GLRA1: variants seen among roughly 807,000 people sequenced by gnomAD.
GLRA1 encodes glycine receptor alpha 1.
In GLRA1, 37 loss-of-function variants were observed where a neutral mutation model predicts 48.3. The ratio of observed to expected loss-of-function variants is 0.77; its 90% CI spans 0.59 to 1.01. The LOEUF (loss-of-function observed/expected upper bound fraction) is 1.01. Among genes scored for constraint, GLRA1 ranks in the 50% least tolerant of loss-of-function variants. The pLI is 0.00. For missense variants in GLRA1, 427 were observed against 571.0 expected (o/e 0.75, Z 2.57); for synonymous variants, 196 against 210.7 (o/e 0.93, Z 0.60).
intron 6 of GLRA1, among the ~76,000 whole-genome samples, chr5:151,854,589 A>C (rs1052646669): frequency 6.6e-6 from 1 of 152,162 alleles, no homozygotes; most frequent in Non-Finnish European, 1.5e-5. Flanking sequence ...GGCTTCTCTG[A>C]CCTCTCATAG....
chr5:151,848,866 GC>G, intron 7 of GLRA1: 1 of 609,920 alleles, frequency 1.6e-6, no homozygotes, highest in Non-Finnish European at 3.1e-6. Flanking sequence ...CCTGCTCAGC[GC>G]CCAGAACACC....
intron 3 of GLRA1, among the ~76,000 whole-genome samples, chr5:151,880,747 AT>A (rs1753740644): frequency 6.6e-6 from 1 of 152,270 alleles, no homozygotes; most frequent in African/African-American, 2.4e-5. Flanking sequence ...ATTCACTTGT[AT>A]TCATATGCAC....
Position 151,872,549 on chromosome 5 carries a change from A to G in GLRA1, c.253-12541T>C, listed in dbSNP as rs1357590645. Among the ~76,000 whole-genome samples the G allele has an allele frequency of 1.3e-5, 2 of 149,864 alleles. 1 individual carries two copies. Among genetic ancestry groups the G allele is most frequent in the African/African-American group, 5.1e-5 (2 of 39,204 alleles). ...TAAAGCAATTCTACTTCTGGAATAT[A>G]TCCTAAAGAAATGCACACAGAGGGT... On this transcript the variant is annotated intron_variant, in intron 3 of 8. Coordinates refer to ENST00000274576, the MANE Select transcript of GLRA1 (RefSeq NM_000171.4).
At chr5:151,892,501 C>T (rs573132614) in intron 1 of GLRA1, 63 bp from the exon 2 acceptor site, 2 of 1,581,444 alleles carry the variant, frequency 1.3e-6, no homozygotes, top group Non-Finnish European at 1.7e-6. Context: ...GTGATCAGAT[C>T]CCAGCCTTGT....
chr5:151,892,527 C>T, intron 1 of GLRA1, 89 bp from the exon 2 acceptor site: 1 of 1,395,180 alleles, frequency 7.2e-7, no homozygotes, highest in Non-Finnish European at 1.0e-6. Context: ...CTCTGTAGAA[C>T]CACAAGAGTG....
At chr5:151,918,378 T>C (rs1581667963) in intron 1 of GLRA1, among the ~76,000 whole-genome samples, 1 of 152,374 alleles carries the variant, frequency 6.6e-6, no homozygotes, top group East Asian at 1.9e-4. Flanking sequence ...CCTGTGGCCT[T>C]GTCCGTGGAC....
At chr5:151,921,570 T>C (rs1754875421) in intron 1 of GLRA1, among the ~76,000 whole-genome samples, 1 of 152,174 alleles carries the variant, frequency 6.6e-6, no homozygotes, top group South Asian at 2.1e-4. Context: ...TCTGTTTGAG[T>C]TGCTCAGAAG....
intron 1 of GLRA1, among the ~76,000 whole-genome samples, chr5:151,923,861 A>G (rs1232424631): frequency 6.6e-6 from 1 of 152,234 alleles, no homozygotes; most frequent in African/African-American, 2.4e-5. Flanking sequence ...GTATGTTCCT[A>G]AATAGATCCA....
At chr5:151,906,113 A>G (rs1300367202) in intron 1 of GLRA1, among the ~76,000 whole-genome samples, 1 of 152,198 alleles carries the variant, frequency 6.6e-6, no homozygotes, top group Non-Finnish European at 1.5e-5. Flanking sequence ...AAGTCACTTA[A>G]CACTTTCAAT....
At chr5:151,911,413 C>T (rs565417972) in intron 1 of GLRA1, among the ~76,000 whole-genome samples, 3 of 152,202 alleles carry the variant, frequency 2.0e-5, no homozygotes, top group African/African-American at 7.2e-5. Flanking sequence ...TATGCAATGC[C>T]AACTATATGC....
chr5:151,899,531 C>T (rs1366501293), intron 1 of GLRA1, among the ~76,000 whole-genome samples: 1 of 152,088 alleles, frequency 6.6e-6, no homozygotes, highest in Admixed American at 6.5e-5. Flanking sequence ...GCACTCTTGG[C>T]TTTCTAGGCT....
At chr5:151,908,779 G>A (rs1166024358) in intron 1 of GLRA1, among the ~76,000 whole-genome samples, 2 of 152,154 alleles carry the variant, frequency 1.3e-5, no homozygotes, top group East Asian at 1.9e-4. Context: ...AACTGAAAGG[G>A]AAGTGTGTTG....
chr5:151,847,659 G>T (rs1263037785), intron 7 of GLRA1, among the ~76,000 whole-genome samples: 1 of 152,050 alleles, frequency 6.6e-6, no homozygotes, highest in Non-Finnish European at 1.5e-5. Flanking sequence ...GTGGAGGGTG[G>T]AGGTTGCAGT....
At chr5:151,847,369 G>A (rs1435726839) in intron 7 of GLRA1, among the ~76,000 whole-genome samples, 1 of 152,186 alleles carries the variant, frequency 6.6e-6, no homozygotes, top group Non-Finnish European at 1.5e-5. Context: ...ACAGAATGTT[G>A]TACCTCAACT....
intron 1 of GLRA1, among the ~76,000 whole-genome samples, chr5:151,893,348 CT>C (rs1754145229): frequency 2.1e-5 from 3 of 143,810 alleles, no homozygotes; most frequent in Non-Finnish European, 3.0e-5. Context: ...TTCTTTCTTT[CT>C]TTCTTTCTTT....
intron 6 of GLRA1, 37 bp from the exon 7 acceptor site, chr5:151,851,641 G>A (rs1377002565): frequency 7.2e-7 from 1 of 1,391,034 alleles, no homozygotes; most frequent in Admixed American, 1.7e-5. Flanking sequence ...GTGTAGCCTG[G>A]TGAATAGGAC....
At chr5:151,880,375 C>T (rs751066463) in intron 3 of GLRA1, among the ~76,000 whole-genome samples, 14 of 152,320 alleles carry the variant, frequency 9.2e-5, no homozygotes, top group South Asian at 4.1e-4. Context: ...ACCCTGGTCT[C>T]CTGACTCCTG....
intron 7 of GLRA1, among the ~76,000 whole-genome samples, chr5:151,835,873 G>T (rs1372014054): frequency 6.6e-6 from 1 of 152,166 alleles, no homozygotes; most frequent in Non-Finnish European, 1.5e-5. Flanking sequence ...AGCAAAAGCT[G>T]GAAGCATTCC....
intron 3 of GLRA1, among the ~76,000 whole-genome samples, chr5:151,883,737 A>T (rs971212431): frequency 6.6e-6 from 1 of 152,242 alleles, no homozygotes; most frequent in Admixed American, 6.5e-5. Flanking sequence ...GCAGGCCACA[A>T]GGTGGATGCT....
Sources: allele counts gnomAD v4.1 joint callset (sites outside exome capture counted in the v4.1 genomes callset), GRCh38; gene constraint gnomAD v4.1.1; transcripts MANE v1.5; gene names NCBI Gene and HGNC (gene_info 2026-07-23, HGNC 2026-07-21).